GPCPD1: variants seen among roughly 807,000 people sequenced by gnomAD.
GPCPD1 encodes glycerophosphocholine phosphodiesterase GPCPD1.
In GPCPD1, 29 loss-of-function variants were observed where a neutral mutation model predicts 89.2. The observed-to-expected ratio is 0.33, with a 90% CI of 0.24 to 0.44. The LOEUF (loss-of-function observed/expected upper bound fraction) is 0.44. Ranked by LOEUF, GPCPD1 falls within the 20% of genes least tolerant of loss-of-function variation. The probability of loss-of-function intolerance (pLI) is 1.00; values close to 1 mark genes in which losing one functional copy is unlikely to be tolerated. For synonymous variants in GPCPD1, 258 were observed against 266.3 expected, an observed-to-expected ratio of 0.97 and a Z score of 0.30; for missense variants, 594 against 808.9, an observed-to-expected ratio of 0.73 and a Z score of 3.22.
At chr20:5,575,329 T>C (rs1600747916) in intron 10 of GPCPD1, 84 bp downstream of exon 10, 1 of 952,856 alleles carries the variant, frequency 1.0e-6, no homozygotes, top group Non-Finnish European at 1.6e-6. Flanking sequence ...AAAAACATCA[T>C]TTGACCTTTG....
At chr20:5,577,244 T>C (rs147126156) in intron 8 of GPCPD1, among the ~76,000 whole-genome samples, 201 of 151,808 alleles carry the variant, frequency 1.3e-3, no homozygotes, top group Admixed American at 2.0e-3. Flanking sequence ...TTTGTATTCT[T>C]ACTCTTGACC....
At chr20:5,556,448 C>T (rs184796286) in intron 19 of GPCPD1, among the ~76,000 whole-genome samples, 154 of 152,340 alleles carry the variant, frequency 1.0e-3, no homozygotes, top group Non-Finnish European at 2.0e-3. Flanking sequence ...TCATGATCTG[C>T]CCGCCTCAGC....
chr20:5,547,949 A>T (rs1985124632), intron 19 of GPCPD1, 99 bp from the exon 20 acceptor site: 1 of 596,022 alleles, frequency 1.7e-6, no homozygotes, highest in Non-Finnish European at 2.9e-6. Flanking sequence ...CATTTACAGA[A>T]TGCCTGGAAC....
intron 15 of GPCPD1, among the ~76,000 whole-genome samples, chr20:5,564,324 T>C (rs1178884740): frequency 6.6e-6 from 1 of 151,586 alleles, no homozygotes; most frequent in East Asian, 1.9e-4. Flanking sequence ...GTTTAAAATA[T>C]TGTTAAAAAA....
At chr20:5,566,906 T>A (rs1986421237) in intron 13 of GPCPD1, 134 bp from the exon 14 acceptor site, 2 of 646,960 alleles carry the variant, frequency 3.1e-6, no homozygotes. Context: ...TTAATAAGAA[T>A]AAGCACTAGC....
At chr20:5,594,183 T>C (rs1979533868) in intron 3 of GPCPD1, among the ~76,000 whole-genome samples, 3 of 152,210 alleles carry the variant, frequency 2.0e-5, no homozygotes, top group African/African-American at 7.2e-5. Context: ...CCATCATTAG[T>C]AGCTGGGAGC....
chr20:5,558,065 G>A lies in GPCPD1; in HGVS notation c.1709C>T (p.Ser570Phe). The part of the protein sequence containing the change: ...VHTEDLLRNP[S>F]YIQEAKAKGL... ...CTTAGCTTTTGCCTCTTGAATATAG[G>A]ATGGGTTTCTGAGCAAGTCTTCAGT... The change falls in exon 19 of 20, where the codon TCC becomes TTC. Residue 570 changes from serine to phenylalanine, a missense_variant. Transcript: ENST00000379019. The A allele has an allele frequency of 1.2e-6, 2 of 1,602,002 alleles. No homozygotes were observed. The highest frequency in any genetic ancestry group is 1.7e-6 in the Non-Finnish European group (2 of 1,170,202).
intron 5 of GPCPD1, 91 bp from the exon 6 acceptor site, chr20:5,584,413 A>G (rs1978770496): frequency 1.6e-6 from 1 of 636,088 alleles, no homozygotes; most frequent in African/African-American, 1.8e-5. Flanking sequence ...AAGATCGTTT[A>G]TAATATTAAA....
At chr20:5,587,184 C>CT (rs1466755894) in intron 4 of GPCPD1, among the ~76,000 whole-genome samples, 3 of 152,102 alleles carry the variant, frequency 2.0e-5, no homozygotes, top group Admixed American at 6.5e-5. Context: ...CCCTTAAATA[C>CT]ACATTTTGGA....
At chr20:5,567,670 CTATT>C (rs1986469286) in intron 12 of GPCPD1, 110 bp from the exon 13 acceptor site, 1 of 988,016 alleles carries the variant, frequency 1.0e-6, no homozygotes, top group South Asian at 1.9e-5. Context: ...CCTAGCAACT[CTATT>C]TACTCAACAA....
intron 3 of GPCPD1, among the ~76,000 whole-genome samples, chr20:5,594,513 C>T (rs536258079): frequency 1.4e-4 from 21 of 152,090 alleles, no homozygotes; most frequent in African/African-American, 4.8e-4. Context: ...AGGATGGTTT[C>T]GATCTCCTGA....
rs138960831 is a variant in GPCPD1 at position 5,601,311 on chromosome 20, G to T, written c.50-2490C>A. Among the ~76,000 whole-genome samples the T allele has an allele frequency of 2.7e-3, 408 of 150,730 alleles. 1 individual carries two copies. Among genetic ancestry groups the T allele is most frequent in the African/African-American group, 9.4e-3 (387 of 41,094 alleles). On this transcript the variant is annotated intron_variant, in intron 2 of 19. Coordinates refer to ENST00000379019, the MANE Select transcript of GPCPD1 (RefSeq NM_019593.5). The stretch of plus-strand genomic sequence containing the variant: ...AGAGTCCAGGAGTTTGAGGAGCTAT[G>T]ACTGCACCACTGCACTTCAACCTGG...
intron 8 of GPCPD1, among the ~76,000 whole-genome samples, chr20:5,577,310 C>T (rs1054892499): frequency 2.0e-5 from 3 of 151,334 alleles, no homozygotes; most frequent in East Asian, 1.9e-4. Context: ...CATGAGCCAC[C>T]GCGCCCGGCC....
intron 12 of GPCPD1, among the ~76,000 whole-genome samples, chr20:5,568,683 T>C (rs1278398822): frequency 6.6e-6 from 1 of 152,148 alleles, no homozygotes; most frequent in Non-Finnish European, 1.5e-5. Context: ...GATGGGCGGA[T>C]CACCTGAGGT....
intron 2 of GPCPD1, among the ~76,000 whole-genome samples, chr20:5,601,302 A>T (rs1293612635): frequency 1.4e-5 from 2 of 147,948 alleles, no homozygotes; most frequent in Admixed American, 6.8e-5. Flanking sequence ...CAGGAGTTTG[A>T]GGAGCTATGA....
intron 1 of GPCPD1, among the ~76,000 whole-genome samples, chr20:5,605,229 C>T (rs561968514): frequency 6.6e-6 from 1 of 152,228 alleles, no homozygotes; most frequent in South Asian, 2.1e-4. Context: ...TTTAAGTCGT[C>T]AAGATTCTTT....
chr20:5,571,180 G>A (rs2122637506), intron 11 of GPCPD1, among the ~76,000 whole-genome samples: 1 of 152,318 alleles, frequency 6.6e-6, no homozygotes, highest in East Asian at 1.9e-4. Flanking sequence ...AGAGTCAAAG[G>A]AGTTCAAGAG....
chr20:5,551,162 C>T (rs1286842386), intron 19 of GPCPD1, among the ~76,000 whole-genome samples: 3 of 152,132 alleles, frequency 2.0e-5, no homozygotes, highest in Non-Finnish European at 4.4e-5. Context: ...TACAGGACAG[C>T]CCACTCCTGC....
At chr20:5,577,080 T>C (rs1444042417) in intron 8 of GPCPD1, among the ~76,000 whole-genome samples, 3 of 117,926 alleles carry the variant, frequency 2.5e-5, no homozygotes, top group Non-Finnish European at 5.3e-5. Flanking sequence ...TTTTTTTTTT[T>C]CTGAGATGGA....
Sources: gnomAD v4.1 joint callset for allele counts (sites outside exome capture counted in the v4.1 genomes callset) on GRCh38, gnomAD v4.1.1 for gene constraint, MANE v1.5 for transcripts, NCBI Gene and HGNC (gene_info 2026-07-23, HGNC 2026-07-21) for gene names.